The following KIF5C variants were observed in gnomAD, a reference collection of about 807,000 sequenced individuals.
The protein encoded by KIF5C is kinesin family member 5C.
Under a neutral mutation model 125.2 loss-of-function variants are expected in KIF5C, and 18 were observed. That is an observed-to-expected ratio of 0.14 (90% CI 0.10 to 0.21). The LOEUF is 0.21. Ranked by LOEUF, KIF5C falls within the 10% of genes least tolerant of loss-of-function variation. The pLI, the probability that KIF5C is intolerant of heterozygous loss-of-function variation, is 1.00. For missense variants in KIF5C, 780 were observed against 1,183.8 expected (o/e 0.66, Z 5.01); for synonymous variants, 405 against 434.0 (o/e 0.93, Z 0.83).
chr2:149,018,053 C>G (rs796161158), intron 25 of KIF5C, among the ~76,000 whole-genome samples: 23 of 152,282 alleles, frequency 1.5e-4, no homozygotes, highest in African/African-American at 5.3e-4. Context: ...CTCTGAGAGG[C>G]TGAGGCAGCA....
chr2:148,880,842 T>C (rs923292176), intron 1 of KIF5C, among the ~76,000 whole-genome samples: 2 of 151,896 alleles, frequency 1.3e-5, no homozygotes, highest in Non-Finnish European at 2.9e-5. Flanking sequence ...CGTGTGTCAC[T>C]GAGGCCACTC....
At chr2:148,986,096 T>C (rs1681374885) in intron 15 of KIF5C, among the ~76,000 whole-genome samples, 1 of 152,174 alleles carries the variant, frequency 6.6e-6, no homozygotes, top group Non-Finnish European at 1.5e-5. Context: ...ATATGGGAAG[T>C]TGATGCTTGC....
chr2:148,895,933 C>T (rs1429004452), intron 1 of KIF5C, among the ~76,000 whole-genome samples: 1 of 151,974 alleles, frequency 6.6e-6, no homozygotes, highest in Non-Finnish European at 1.5e-5. Flanking sequence ...CCTATTGAGT[C>T]AGAGTCCCAC....
intron 11 of KIF5C, among the ~76,000 whole-genome samples, chr2:148,971,571 A>T (rs1680910836): frequency 6.6e-6 from 1 of 152,202 alleles, no homozygotes; most frequent in Non-Finnish European, 1.5e-5. Flanking sequence ...AAGGTCAATA[A>T]TTTTAGAAAA....
intron 3 of KIF5C, among the ~76,000 whole-genome samples, chr2:148,930,678 A>G (rs912379301): frequency 3.9e-5 from 6 of 152,210 alleles, no homozygotes; most frequent in Non-Finnish European, 7.3e-5. Flanking sequence ...TGTGGGGTAC[A>G]GTGCCGGGGA....
At position 148,987,249 on chromosome 2, in the gene KIF5C, T is replaced by C. The variant is rs76504547; in HGVS notation, c.1716+3483T>C. Among the ~76,000 whole-genome samples the C allele has an allele frequency of 6.9e-3, 1,050 of 152,330 alleles. 17 individuals are homozygous for C. The highest frequency in any genetic ancestry group is 0.065 in the Middle Eastern group (19 of 294). On this transcript the variant is annotated intron_variant, in intron 15 of 25. Coordinates refer to ENST00000435030, the MANE Select transcript of KIF5C (RefSeq NM_004522.3). ...TGCATGTGTAGTAGGAAAACATGTA[T>C]GCAACATGGGTCCCATGTTCACTTT...
intron 1 of KIF5C, among the ~76,000 whole-genome samples, chr2:148,886,498 T>C (rs1681530846): frequency 6.6e-6 from 1 of 152,134 alleles, no homozygotes; most frequent in African/African-American, 2.4e-5. Context: ...AGGTTCCGTA[T>C]TGGGATGACA....
In KIF5C at chr2:148,976,950, T is replaced by C. The variant is rs1012597672; in HGVS notation, c.1294-1972T>C. Among the ~76,000 whole-genome samples the C allele has an allele frequency of 2.0e-5, 3 of 152,208 alleles. No individual in the cohort carries two copies. In the East Asian group the frequency reaches 5.8e-4, roughly 29 times the overall value. On this transcript the variant is annotated intron_variant, in intron 12 of 25. Coordinates refer to ENST00000435030, the MANE Select transcript of KIF5C (RefSeq NM_004522.3). Reference sequence around the variant, plus strand: ...CTGAAAAGTGCTTTAAAATCTGTTATCCATGGACAAGATCTTTAGAACCGG... The same window carrying C: ...CTGAAAAGTGCTTTAAAATCTGTTACCCATGGACAAGATCTTTAGAACCGG...
At chr2:148,998,813 C>G (rs1251396996) in intron 19 of KIF5C, 4 of 119,416 alleles carry the variant, frequency 3.3e-5, no homozygotes, top group Non-Finnish European at 6.3e-5. Context: ...TGGGGGGGAG[C>G]ATCTGTAATG....
intron 1 of KIF5C, chr2:148,879,077 G>T (rs1202404187): frequency 6.6e-6 from 1 of 152,172 alleles, no homozygotes; most frequent in African/African-American, 2.4e-5. Context: ...TTTGTGCAAA[G>T]CTGTCTTTCT....
At chr2:148,977,418 A>G (rs1681106849) in intron 12 of KIF5C, among the ~76,000 whole-genome samples, 1 of 152,188 alleles carries the variant, frequency 6.6e-6, no homozygotes, top group African/African-American at 2.4e-5. Context: ...TCCGATGGTA[A>G]ATTCTTTGAA....
At chr2:148,936,014 G>A (rs533251892) in intron 3 of KIF5C, among the ~76,000 whole-genome samples, 2 of 152,190 alleles carry the variant, frequency 1.3e-5, no homozygotes, top group Non-Finnish European at 2.9e-5. Flanking sequence ...ACTGCCGGAC[G>A]TGGTGGCTCA....
chr2:148,942,858 G>T, intron 7 of KIF5C, 98 bp downstream of exon 7: 2 of 1,538,968 alleles, frequency 1.3e-6, no homozygotes, highest in Non-Finnish European at 1.8e-6. Context: ...ATGAAAGAAT[G>T]CATGGGAAGG....
chr2:148,918,357 A>T (rs1681643822), intron 1 of KIF5C, among the ~76,000 whole-genome samples: 1 of 152,162 alleles, frequency 6.6e-6, no homozygotes, highest in Admixed American at 6.5e-5. Flanking sequence ...AGGACTTGGG[A>T]TTTATATGGC....
intron 23 of KIF5C, 144 bp from the exon 24 acceptor site, chr2:149,009,986 TTTTCC>T: frequency 7.5e-7 from 1 of 1,325,152 alleles, no homozygotes; most frequent in Non-Finnish European, 1.0e-6. Flanking sequence ...ACAGTCTGAG[TTTTCC>T]TTTCCTTTCT....
chr2:148,884,932 C>G (rs1681469617), intron 1 of KIF5C, among the ~76,000 whole-genome samples: 1 of 151,488 alleles, frequency 6.6e-6, no homozygotes, highest in African/African-American at 2.4e-5. Flanking sequence ...AAGCAAGATT[C>G]CCAGCCTATC....
intron 17 of KIF5C, among the ~76,000 whole-genome samples, chr2:148,995,418 G>A (rs897718561): frequency 6.6e-6 from 1 of 152,192 alleles, no homozygotes; most frequent in East Asian, 1.9e-4. Context: ...CCTGAGCTTA[G>A]GGAAGTGCCT....
At chr2:148,977,215 A>G (rs1009710841) in intron 12 of KIF5C, among the ~76,000 whole-genome samples, 2 of 152,204 alleles carry the variant, frequency 1.3e-5, no homozygotes, top group African/African-American at 2.4e-5. Flanking sequence ...AGGTGGGGCC[A>G]GGGGCCCTTG....
chr2:148,935,044 G>A (rs974916648), intron 3 of KIF5C: 5 of 420,520 alleles, frequency 1.2e-5, no homozygotes, highest in African/African-American at 8.3e-5. Flanking sequence ...CAGCTCCTAG[G>A]CCTGTGGTAG....
Sources: allele counts gnomAD v4.1 joint callset (sites outside exome capture counted in the v4.1 genomes callset), GRCh38; gene constraint gnomAD v4.1.1; transcripts MANE v1.5; gene names NCBI Gene and HGNC (gene_info 2026-07-23, HGNC 2026-07-21).